The following PDE4D variants were observed in gnomAD, a reference collection of about 807,000 sequenced individuals.
PDE4D encodes 3',5'-cyclic-AMP phosphodiesterase 4D.
PDE4D carries 24 observed loss-of-function variants against 87.4 expected under a neutral mutation model. The observed-to-expected ratio is 0.27, with a 90% confidence interval of 0.20 to 0.39. PDE4D has a LOEUF of 0.39. Among genes scored for constraint, PDE4D ranks in the 10% least tolerant of loss-of-function variants. The pLI is 1.00. For missense variants in PDE4D, 714 were observed against 1,041.0 expected (o/e 0.69, Z 4.32); for synonymous variants, 384 against 383.2 (o/e 1.00, Z -0.02).
At chr5:59,578,210 C>T (rs1476545757) in intron 1 of PDE4D, among the ~76,000 whole-genome samples, 1 of 152,066 alleles carries the variant, frequency 6.6e-6, no homozygotes, top group Non-Finnish European at 1.5e-5. Context: ...CTGTTTGTCA[C>T]CCAAGAGTTA....
At chr5:60,048,083 C>T (rs1346594085) in intron 2 of PDE4D, among the ~76,000 whole-genome samples, 1 of 152,032 alleles carries the variant, frequency 6.6e-6, no homozygotes, top group Non-Finnish European at 1.5e-5. Context: ...GGATAGTTAG[C>T]TCTTCTTGTT....
chr5:59,227,094 C>A (rs982445303), intron 1 of PDE4D, among the ~76,000 whole-genome samples: 4 of 152,184 alleles, frequency 2.6e-5, no homozygotes, highest in Non-Finnish European at 4.4e-5. Context: ...TTTCCTTGTA[C>A]TGCTCACAGC....
Position 60,136,260 on chromosome 5 carries a change from A to G in PDE4D, c.42+49297T>C, listed in dbSNP as rs1562137456. Reference sequence around the variant, plus strand: ...TTAAAATTTTTTTCTTAAAGCCTAAATAAGAAATTAACCTTTCTTTCCTGT... The same window carrying G: ...TTAAAATTTTTTTCTTAAAGCCTAAGTAAGAAATTAACCTTTCTTTCCTGT... On this transcript the variant is annotated intron_variant, in intron 2 of 16. Coordinates refer to the PDE4D transcript ENST00000502484. Among the ~76,000 whole-genome samples the G allele has an allele frequency of 1.3e-5, 2 of 152,118 alleles. 1 individual carries two copies. The highest frequency in any genetic ancestry group is 4.1e-4 in the South Asian group (2 of 4,832).
intron 3 of PDE4D, 109 bp from the exon 4 acceptor site, chr5:59,185,371 A>G: frequency 1.4e-6 from 1 of 715,488 alleles, no homozygotes; most frequent in South Asian, 1.8e-5. Flanking sequence ...TTAGTTTCAT[A>G]TACCACTAAA....
intron 6 of PDE4D, among the ~76,000 whole-genome samples, chr5:59,017,407 G>A (rs1015628770): frequency 6.6e-6 from 1 of 152,164 alleles, no homozygotes; most frequent in African/African-American, 2.4e-5. Context: ...TTGCAAGATG[G>A]AGAAGACCGG....
At chr5:59,525,607 A>G (rs1170074416) in intron 1 of PDE4D, among the ~76,000 whole-genome samples, 2 of 152,182 alleles carry the variant, frequency 1.3e-5, no homozygotes, top group African/African-American at 4.8e-5. Flanking sequence ...TGTGAGAAAG[A>G]TGAGATTTTG....
At chr5:59,977,666 A>G (rs959119303) in intron 3 of PDE4D, among the ~76,000 whole-genome samples, 3 of 152,200 alleles carry the variant, frequency 2.0e-5, no homozygotes, top group African/African-American at 7.2e-5. Context: ...ATCAATGATG[A>G]AGGCACTACA....
In PDE4D at chr5:60,101,299, C is replaced by T. The variant is rs562640118; in HGVS notation, c.42+84258G>A. On this transcript the variant is annotated intron_variant, in intron 2 of 16. Transcript: ENST00000502484. ...ATCTGACTCAACATCTGGTTGCCTT[C>T]ATCCATTTTCAAGTACTCTTATTCA... Among the ~76,000 whole-genome samples the T allele has an allele frequency of 2.6e-5, 4 of 152,174 alleles. 1 individual carries two copies. Among genetic ancestry groups the T allele is most frequent in the African/African-American group, 9.6e-5 (4 of 41,538 alleles).
intron 1 of PDE4D, among the ~76,000 whole-genome samples, chr5:59,827,910 T>G (rs567167158): frequency 6.6e-6 from 1 of 152,280 alleles, no homozygotes; most frequent in East Asian, 1.9e-4. Flanking sequence ...ATCTCTGCCA[T>G]TTCCACTTGT....
At chr5:59,140,230 T>C (rs1777695839) in intron 5 of PDE4D, among the ~76,000 whole-genome samples, 1 of 152,222 alleles carries the variant, frequency 6.6e-6, no homozygotes, top group African/African-American at 2.4e-5. Context: ...AGTTATAACT[T>C]GCACCTGTGT....
At chr5:60,160,393 C>T (rs1182964390) in intron 2 of PDE4D, among the ~76,000 whole-genome samples, 1 of 151,926 alleles carries the variant, frequency 6.6e-6, no homozygotes, top group Non-Finnish European at 1.5e-5. Context: ...ATTTTGTAGT[C>T]CTCTGAAAAG....
At chr5:59,667,816 C>G (rs1270510697) in intron 1 of PDE4D, among the ~76,000 whole-genome samples, 2 of 152,204 alleles carry the variant, frequency 1.3e-5, no homozygotes, top group African/African-American at 4.8e-5. Context: ...CACATCCAGT[C>G]TATGTTCCCA....
At chr5:59,358,622 A>C (rs1240724193) in intron 1 of PDE4D, among the ~76,000 whole-genome samples, 1 of 152,088 alleles carries the variant, frequency 6.6e-6, no homozygotes, top group African/African-American at 2.4e-5. Context: ...CTTGGTGCTT[A>C]TTAGAATGTC....
At chr5:60,320,203 T>G (rs1037961483) in intron 1 of PDE4D, among the ~76,000 whole-genome samples, 3 of 152,228 alleles carry the variant, frequency 2.0e-5, no homozygotes, top group Non-Finnish European at 2.9e-5. Flanking sequence ...CCCCCAGCCT[T>G]GCTGCCGCCT....
chr5:59,565,567 T>A (rs943980939), intron 1 of PDE4D, among the ~76,000 whole-genome samples: 1 of 152,174 alleles, frequency 6.6e-6, no homozygotes, highest in African/African-American at 2.4e-5. Flanking sequence ...AGTTACTGCA[T>A]GGAGCCCAGA....
chr5:60,122,984 G>A (rs1778821569), intron 2 of PDE4D, among the ~76,000 whole-genome samples: 1 of 152,068 alleles, frequency 6.6e-6, no homozygotes, highest in Non-Finnish European at 1.5e-5. Context: ...AATTTCTAGG[G>A]CATGGCAAAA....
At chr5:59,320,205 C>T (rs1561950320) in intron 1 of PDE4D, among the ~76,000 whole-genome samples, 1 of 151,878 alleles carries the variant, frequency 6.6e-6, no homozygotes, top group Non-Finnish European at 1.5e-5. Context: ...TGTGTTTAGG[C>T]AAATTCACTT....
rs2034149551 is a variant in PDE4D, at chr5:60,334,921, C to A, written c.-89-149234G>T. Among the ~76,000 whole-genome samples, 3 of 152,078 alleles carry A rather than the reference C, an allele frequency of 2.0e-5. No individual in the cohort carries two copies. In the South Asian group the frequency reaches 6.2e-4, roughly 32 times the overall value. On this transcript the variant is annotated intron_variant, in intron 1 of 16. Coordinates refer to the PDE4D transcript ENST00000502484. ...TTCCATATAATTTTTTAATGGATTC[C>A]ATTTACAACCTAATGATAGTCTGAA...
chr5:59,157,070 C>A, intron 5 of PDE4D: 1 of 362,500 alleles, frequency 2.8e-6, no homozygotes. Context: ...CCCGTAAGGT[C>A]AAGCAAAGAC....
Sources: gnomAD v4.1 joint callset for allele counts (sites outside exome capture counted in the v4.1 genomes callset) on GRCh38, gnomAD v4.1.1 for gene constraint, MANE v1.5 for transcripts, NCBI Gene and HGNC (gene_info 2026-07-23, HGNC 2026-07-21) for gene names.